Variants in RNF6 observed in about 807,000 individuals in gnomAD.
RNF6 encodes the protein ring finger protein 6, also known as E3 ubiquitin-protein ligase RNF6.
A neutral mutation model predicts 50.1 loss-of-function variants in RNF6; 21 were observed. That is an observed-to-expected ratio of 0.42 (90% confidence interval 0.30 to 0.60). RNF6 has a LOEUF of 0.60. Among genes scored for constraint, RNF6 ranks in the 20% least tolerant of loss-of-function variants. The pLI is 0.20. For synonymous variants in RNF6, 255 were observed against 291.8 expected, an observed-to-expected ratio of 0.87 and a Z score of 1.29; for missense variants, 698 against 838.2, an observed-to-expected ratio of 0.83 and a Z score of 2.07.
downstream of RNF6, among the ~76,000 whole-genome samples, chr13:26,209,936 A>G (rs1226123150): frequency 6.6e-6 from 1 of 152,212 alleles, no homozygotes; most frequent in Non-Finnish European, 1.5e-5. Flanking sequence ...TATAGGGGCC[A>G]ACTCAGAGTC....
intron 5 of RNF6, among the ~76,000 whole-genome samples, chr13:26,167,461 G>A (rs1043983181): frequency 3.3e-5 from 5 of 152,032 alleles, no homozygotes; most frequent in South Asian, 4.1e-4. Flanking sequence ...ACTCAATATC[G>A]CTGATAATTA....
chr13:26,148,673 A>ATATATATATATATATAT (rs1871394576), intron 5 of RNF6, among the ~76,000 whole-genome samples: 1 of 47,112 alleles, frequency 2.1e-5, no homozygotes, highest in Non-Finnish European at 4.4e-5. Context: ...TATATATATG[A>ATATATATATATATATAT]GGGAGATATA....
intron 5 of RNF6, among the ~76,000 whole-genome samples, chr13:26,185,785 G>C (rs1873489604): frequency 6.6e-6 from 1 of 152,234 alleles, no homozygotes; most frequent in African/African-American, 2.4e-5. Context: ...ATTGTCAACA[G>C]AAGTGTAGAG....
intron 5 of RNF6, among the ~76,000 whole-genome samples, chr13:26,166,412 C>G (rs190758660): frequency 4.8e-4 from 73 of 152,316 alleles, no homozygotes; most frequent in African/African-American, 1.7e-3. Flanking sequence ...GGAAGTCAAA[C>G]TATCCCTGTT....
intron 5 of RNF6, among the ~76,000 whole-genome samples, chr13:26,207,384 G>A (rs1869152910): frequency 6.6e-6 from 1 of 152,172 alleles, no homozygotes; most frequent in Admixed American, 6.5e-5. Context: ...CAGCTGAGGA[G>A]TGACAAGTCG....
intron 5 of RNF6, among the ~76,000 whole-genome samples, chr13:26,179,204 A>G (rs1369646220): frequency 2.6e-5 from 4 of 152,216 alleles, no homozygotes; most frequent in African/African-American, 9.6e-5. Flanking sequence ...GAGCAGATCT[A>G]GCTGCCATAG....
intron 5 of RNF6, among the ~76,000 whole-genome samples, chr13:26,148,028 A>G (rs1436590386): frequency 1.4e-4 from 22 of 152,226 alleles, no homozygotes; most frequent in Admixed American, 1.4e-3. Context: ...TATAAAGGAA[A>G]GAAGTTTAAT....
intron 5 of RNF6, among the ~76,000 whole-genome samples, chr13:26,134,856 G>A (rs201943601): frequency 6.6e-6 from 1 of 152,084 alleles, no homozygotes; most frequent in East Asian, 1.9e-4. Context: ...GAAATGGAGA[G>A]GGTTAAATAG....
intron 5 of RNF6, among the ~76,000 whole-genome samples, chr13:26,189,070 C>A (rs1408132428): frequency 6.6e-6 from 1 of 152,004 alleles, no homozygotes; most frequent in Non-Finnish European, 1.5e-5. Flanking sequence ...GGCTAACGCC[C>A]GTAATCCCAG....
chr13:26,170,156 A>G (rs4770936), intron 5 of RNF6, among the ~76,000 whole-genome samples: 111,306 of 151,752 alleles, frequency 0.73, 41,257 homozygotes, highest in East Asian at 0.8. Flanking sequence ...TTACTTAAAT[A>G]CAAAAATAAG....
Position 26,213,841 on chromosome 13 carries a change from T to G in RNF6, c.2041A>C (p.Ile681Leu), listed in dbSNP as rs919116514. Residue 681 changes from isoleucine to leucine, a missense_variant, in exon 5 of 5, where the codon ATA becomes CTA. Ile to Leu is a conservative substitution (Grantham distance 5, BLOSUM62 2). Coordinates refer to ENST00000381588, the MANE Select transcript of RNF6 (RefSeq NM_005977.4). ...ICRQPVLGSN[I>L]ANNG ...CCATCACCTTACCCATTGTTTGCTATGTTAGACCCTAAAACAGGCTGCCGA... is the reference window on the plus strand; with the variant it reads ...CCATCACCTTACCCATTGTTTGCTAGGTTAGACCCTAAAACAGGCTGCCGA... 4.3e-6 allele frequency: 7 copies of G among 1,610,704 alleles called. No individual in the cohort carries two copies. The Admixed American group carries it at 8.4e-5, about 19-fold the overall frequency.
chr13:26,174,652 C>T (rs76443192), intron 5 of RNF6, among the ~76,000 whole-genome samples: 2 of 152,222 alleles, frequency 1.3e-5, no homozygotes, highest in East Asian at 3.9e-4. Context: ...TACTCACCCC[C>T]TTAGGCTGGG....
chr13:26,158,781 G>A (rs1447701318), intron 5 of RNF6, among the ~76,000 whole-genome samples: 1 of 152,054 alleles, frequency 6.6e-6, no homozygotes, highest in African/African-American at 2.4e-5. Flanking sequence ...TTTCTATACA[G>A]TAGAATTTTA....
intron 5 of RNF6, among the ~76,000 whole-genome samples, chr13:26,144,102 G>T (rs1373222767): frequency 6.6e-6 from 1 of 151,992 alleles, no homozygotes; most frequent in South Asian, 2.1e-4. Context: ...GCTCAGTGCT[G>T]GTCTCTGCTG....
intron 5 of RNF6, among the ~76,000 whole-genome samples, chr13:26,139,048 TC>T (rs1300354648): frequency 1.5e-4 from 23 of 152,214 alleles, no homozygotes; most frequent in Admixed American, 1.5e-3. Context: ...CTTATATGTT[TC>T]GACATCTTAA....
Position 26,215,225 on chromosome 13 carries a change from T to C in RNF6, c.657A>G (p.Ser219=), listed in dbSNP as rs1593195513. The C allele has an allele frequency of 1.2e-6, 2 of 1,614,210 alleles. No homozygotes were observed. Among genetic ancestry groups the C allele is most frequent in the Non-Finnish European group, 1.7e-6 (2 of 1,180,024 alleles). Residue 219 remains serine (S), a synonymous_variant, in exon 5 of 5, where the codon TCA becomes TCG. Coordinates refer to ENST00000381588, the MANE Select transcript of RNF6 (RefSeq NM_005977.4). ...ATCCTTCAGCTGGATTTTGCCCCCTTGAAGCAAGCCTAGTCCTTGGAATGT... is the reference window on the plus strand; with the variant it reads ...ATCCTTCAGCTGGATTTTGCCCCCTCGAAGCAAGCCTAGTCCTTGGAATGT... ...SSNIPRTRLA[S]RGQNPAEGSF...
At chr13:26,132,688 T>C (rs1488575772) in intron 5 of RNF6, among the ~76,000 whole-genome samples, 1 of 152,232 alleles carries the variant, frequency 6.6e-6, no homozygotes, top group Non-Finnish European at 1.5e-5. Flanking sequence ...AACATTAAGT[T>C]TTCATCACCT....
intron 5 of RNF6, among the ~76,000 whole-genome samples, chr13:26,147,225 T>G (rs1241822661): frequency 6.6e-6 from 1 of 152,190 alleles, no homozygotes; most frequent in East Asian, 1.9e-4. Flanking sequence ...TCTTTTGAAG[T>G]GTAGTACATG....
chr13:26,160,454 G>A (rs1360975391), intron 5 of RNF6, among the ~76,000 whole-genome samples: 2 of 151,298 alleles, frequency 1.3e-5, no homozygotes, highest in Non-Finnish European at 2.9e-5. Flanking sequence ...GAACTCCTGG[G>A]CTCAAGTGAT....
Sources: allele counts gnomAD v4.1 joint callset (sites outside exome capture counted in the v4.1 genomes callset), GRCh38; gene constraint gnomAD v4.1.1; transcripts MANE v1.5; gene names NCBI Gene and HGNC (gene_info 2026-07-23, HGNC 2026-07-21).